SMG6: variants seen among roughly 807,000 people sequenced by gnomAD.
SMG6 encodes the protein telomerase-binding protein EST1A.
Under a neutral mutation model 142.2 loss-of-function variants are expected in SMG6, and 66 were observed. That is an observed-to-expected ratio of 0.46 (90% confidence interval 0.38 to 0.57). SMG6 has a LOEUF of 0.57. Among genes scored for constraint, SMG6 ranks in the 20% least tolerant of loss-of-function variants. The pLI, the probability that SMG6 is intolerant of heterozygous loss-of-function variation, is 0.00. For missense variants in SMG6, 1,793 were observed against 1,832.0 expected (o/e 0.98, Z 0.39); for synonymous variants, 779 against 702.4 (o/e 1.11, Z -1.72).
intron 13 of SMG6, among the ~76,000 whole-genome samples, chr17:2,139,113 T>C (rs2070392946): frequency 6.6e-6 from 1 of 152,172 alleles, no homozygotes; most frequent in South Asian, 2.1e-4. Context: ...TAAAAGACAG[T>C]AACTATACAG....
chr17:2,203,860 C>A (rs543217859), intron 10 of SMG6, among the ~76,000 whole-genome samples: 1 of 152,290 alleles, frequency 6.6e-6, no homozygotes, highest in South Asian at 2.1e-4. Context: ...CCTGCAGACA[C>A]CCTGATTCAG....
At chr17:2,205,820 TTCTTCCCAGACAGATGCTAGCTCTG>T (rs1279205645) in intron 10 of SMG6, among the ~76,000 whole-genome samples, 1 of 152,182 alleles carries the variant, frequency 6.6e-6, no homozygotes, top group Non-Finnish European at 1.5e-5. Context: ...TATATTTTTT[TTCTTCCCAGACAGATGCTAGCTCTG>T]TCACCCAGGT....
In SMG6 at chr17:2,299,157, C is replaced by T; in HGVS notation, c.1596G>A (p.Val532=). The part of the protein sequence containing the change: ...YTGYNPLQYP[V]GPTNGVYPGP... The stretch of plus-strand genomic sequence containing the variant: ...CTGGGTACACACCATTCGTAGGGCC[C>T]ACTGGGTACTGTAGAGGGTTATAGC... Residue 532 remains valine, a synonymous_variant, in exon 2 of 19, where the codon GTG becomes GTA. Coordinates refer to ENST00000263073, the MANE Select transcript of SMG6 (RefSeq NM_017575.5). This position sits in a 1 kb window ranked among gnomAD's most constrained non-coding sequence, Gnocchi z 4.3. 6.2e-7 allele frequency: 1 copy of T among 1,612,736 alleles called. No homozygotes were observed. Among genetic ancestry groups the T allele is most frequent in the Non-Finnish European group, 8.5e-7 (1 of 1,179,108 alleles).
intron 13 of SMG6, among the ~76,000 whole-genome samples, chr17:2,140,321 T>C (rs1015001178): frequency 1.3e-5 from 2 of 152,230 alleles, no homozygotes; most frequent in Non-Finnish European, 2.9e-5. Context: ...CCTCCCAAAG[T>C]GCTGGGGTTA....
At chr17:2,125,918 A>G (rs964500680) in intron 13 of SMG6, among the ~76,000 whole-genome samples, 8 of 140,826 alleles carry the variant, frequency 5.7e-5, no homozygotes, top group Admixed American at 7.8e-5. Flanking sequence ...GTGCCACTGC[A>G]CTCCAGCCTG....
At chr17:2,185,523 CA>C (rs1177348579) in intron 12 of SMG6, among the ~76,000 whole-genome samples, 1 of 150,398 alleles carries the variant, frequency 6.6e-6, no homozygotes, top group Non-Finnish European at 1.5e-5. Context: ...AAAAGGTATA[CA>C]AACACATAAA....
At chr17:2,207,358 T>C (rs1442745311) in intron 10 of SMG6, among the ~76,000 whole-genome samples, 1 of 152,152 alleles carries the variant, frequency 6.6e-6, no homozygotes, top group African/African-American at 2.4e-5. Context: ...AAATTATCCA[T>C]GATGGGTTTC....
At position 2,085,591 on chromosome 17, in the gene SMG6, G is replaced by T; in HGVS notation, c.3534+134C>A. 1.1e-6 allele frequency: 1 copy of T among 912,142 alleles called. No homozygotes were observed. Among genetic ancestry groups the T allele is most frequent in the Non-Finnish European group, 1.7e-6 (1 of 597,670 alleles). 56.5% of individuals were successfully genotyped at this position (912,142 alleles called of 1,614,324 possible). ...AGGGGCACCATCAGAGCACACTCTC[G>T]AGAAGCTGGCTGGTCACATTAACAC... On this transcript the variant is annotated intron_variant, in intron 14 of 18. Transcript: ENST00000263073. This position sits in a 1 kb window ranked among gnomAD's most constrained non-coding sequence, Gnocchi z 4.1.
At chr17:2,256,493 G>A (rs2074183193) in intron 8 of SMG6, among the ~76,000 whole-genome samples, 1 of 152,166 alleles carries the variant, frequency 6.6e-6, no homozygotes, top group African/African-American at 2.4e-5. Flanking sequence ...CAAGCACGGT[G>A]GGTCACGCCT....
chr17:2,134,189 G>A (rs2070214669), intron 13 of SMG6, among the ~76,000 whole-genome samples: 1 of 152,180 alleles, frequency 6.6e-6, no homozygotes, highest in South Asian at 2.1e-4. Flanking sequence ...GGAGGCCGAT[G>A]TGGGTGGATC....
At chr17:2,100,078 C>T (rs1202960868) in intron 13 of SMG6, among the ~76,000 whole-genome samples, 2 of 147,248 alleles carry the variant, frequency 1.4e-5, no homozygotes, top group East Asian at 3.9e-4. Flanking sequence ...TGCTTTGTTG[C>T]CCAGGCTGGC....
intron 15 of SMG6, among the ~76,000 whole-genome samples, chr17:2,077,211 T>A (rs2068283723): frequency 6.6e-6 from 1 of 152,220 alleles, no homozygotes; most frequent in Non-Finnish European, 1.5e-5. Flanking sequence ...CAATGCCGCT[T>A]GCTAAACTGA....
chr17:2,096,554 C>T (rs1015458948), intron 13 of SMG6, among the ~76,000 whole-genome samples: 3 of 152,110 alleles, frequency 2.0e-5, no homozygotes, highest in Non-Finnish European at 4.4e-5. Flanking sequence ...ACTATGTCCC[C>T]TAGCTGATCT....
chr17:2,228,694 C>T (rs555773918), intron 10 of SMG6, among the ~76,000 whole-genome samples: 62 of 152,328 alleles, frequency 4.1e-4, no homozygotes, highest in Non-Finnish European at 7.9e-4. Context: ...TATACATATA[C>T]ACACACATAC....
chr17:2,297,577 C>CAT (rs1555575603), intron 3 of SMG6, among the ~76,000 whole-genome samples: 2 of 151,692 alleles, frequency 1.3e-5, no homozygotes, highest in Admixed American at 1.3e-4. Flanking sequence ...CACACACACA[C>CAT]ACACACACAC....
At chr17:2,144,799 T>C (rs1412312223) in intron 13 of SMG6, among the ~76,000 whole-genome samples, 2 of 152,090 alleles carry the variant, frequency 1.3e-5, no homozygotes, top group Non-Finnish European at 2.9e-5. Context: ...TAGCTCATGG[T>C]CGTAAAATGC....
At chr17:2,237,432 G>A in intron 9 of SMG6, 1 of 772,750 alleles carries the variant, frequency 1.3e-6, no homozygotes, top group African/African-American at 1.9e-5. Context: ...TGTCTTCTGA[G>A]GTACTATCAC....
chr17:2,204,824 G>C (rs1214058809), intron 10 of SMG6, among the ~76,000 whole-genome samples: 1 of 152,054 alleles, frequency 6.6e-6, no homozygotes, highest in Non-Finnish European at 1.5e-5. Flanking sequence ...TGAGCCAGAC[G>C]TAGTGGCACG....
chr17:2,130,236 C>T (rs1011427951), intron 13 of SMG6, among the ~76,000 whole-genome samples: 10 of 107,524 alleles, frequency 9.3e-5, no homozygotes, highest in South Asian at 2.9e-4. Flanking sequence ...GTCCGCAGTC[C>T]GGCCTGGGCG....
Sources: gnomAD v4.1 joint callset for allele counts (sites outside exome capture counted in the v4.1 genomes callset) on GRCh38, gnomAD v4.1.1 for gene constraint, Gnocchi (gnomAD v3.1) non-coding constraint, MANE v1.5 for transcripts, NCBI Gene and HGNC (gene_info 2026-07-23, HGNC 2026-07-21) for gene names.